The following AP3S1 variants were observed in gnomAD, a reference collection of about 807,000 sequenced individuals.
The protein encoded by AP3S1 is AP-3 complex subunit sigma-1.
AP3S1 carries 12 observed loss-of-function variants against 21.3 expected under a neutral mutation model. That is an observed-to-expected ratio of 0.56 (90% CI 0.36 to 0.91). The LOEUF (loss-of-function observed/expected upper bound fraction) is 0.91, where lower values mean the gene tolerates loss of function less well. Ranked by LOEUF, AP3S1 falls within the 40% of genes least tolerant of loss-of-function variation. The pLI, the probability that AP3S1 is intolerant of heterozygous loss-of-function variation, is 0.01. For synonymous variants in AP3S1, 48 were observed against 78.4 expected (o/e 0.61, Z 2.05); for missense variants, 116 against 225.0 (o/e 0.52, Z 3.10).
chr5:115,889,997 A>G (rs563713828), intron 3 of AP3S1, among the ~76,000 whole-genome samples: 1 of 152,130 alleles, frequency 6.6e-6, no homozygotes, highest in South Asian at 2.1e-4. Flanking sequence ...GATGGATAAC[A>G]TAAGGTGGTG....
chr5:115,849,131 C>T (rs780281262), intron 1 of AP3S1, among the ~76,000 whole-genome samples: 1 of 152,132 alleles, frequency 6.6e-6, no homozygotes, highest in Non-Finnish European at 1.5e-5. Flanking sequence ...ATTCTAAGCA[C>T]TAGTAATACA....
At chr5:115,873,277 A>G (rs1013077010) in intron 3 of AP3S1, among the ~76,000 whole-genome samples, 1 of 152,162 alleles carries the variant, frequency 6.6e-6, no homozygotes, top group Non-Finnish European at 1.5e-5. Context: ...AAATTCTGTC[A>G]TGTACTCGTG....
intron 3 of AP3S1, among the ~76,000 whole-genome samples, chr5:115,888,436 A>G (rs564813761): frequency 6.6e-6 from 1 of 152,236 alleles, no homozygotes; most frequent in East Asian, 1.9e-4. Flanking sequence ...TTAGGGCTCT[A>G]GATTTCTGAT....
At chr5:115,907,825 A>C (rs2112586997) in intron 5 of AP3S1, among the ~76,000 whole-genome samples, 1 of 152,300 alleles carries the variant, frequency 6.6e-6, no homozygotes, top group South Asian at 2.1e-4. Flanking sequence ...CTTTTTTAAA[A>C]GTTCCATGTA....
At chr5:115,878,075 A>G (rs996847733) in intron 3 of AP3S1, among the ~76,000 whole-genome samples, 1 of 152,096 alleles carries the variant, frequency 6.6e-6, no homozygotes, top group African/African-American at 2.4e-5. Flanking sequence ...AATTTGTTTA[A>G]GTTCCTTGTA....
chr5:115,907,512 C>T (rs1207048243), intron 5 of AP3S1, among the ~76,000 whole-genome samples: 1 of 152,050 alleles, frequency 6.6e-6, no homozygotes, highest in Non-Finnish European at 1.5e-5. Context: ...GATCAGAAAT[C>T]TTATAAAACT....
chr5:115,872,840 T>G (rs1338639391), intron 3 of AP3S1, among the ~76,000 whole-genome samples: 1 of 152,194 alleles, frequency 6.6e-6, no homozygotes, highest in East Asian at 1.9e-4. Context: ...ATTTTATCAT[T>G]ATGTCAAGAG....
rs1748682966 is a variant in AP3S1, at chr5:115,876,023, C to CAG, written c.273+5896_273+5897dup. On this transcript the variant is annotated intron_variant, in intron 3 of 5. Transcript: ENST00000316788. ...TTTACATGTTTCATTGATGTCTTAG[C>CAG]AGTTCTTTTAGGAGGCATCATGGCG... Among the ~76,000 whole-genome samples, 3 of 152,204 alleles carry CAG rather than the reference C, an allele frequency of 2.0e-5. No homozygotes were observed. The South Asian group carries it at 6.2e-4, about 32-fold the overall frequency.
intron 2 of AP3S1, among the ~76,000 whole-genome samples, chr5:115,867,805 G>T (rs1405477644): frequency 6.6e-6 from 1 of 152,060 alleles, no homozygotes; most frequent in Non-Finnish European, 1.5e-5. Context: ...TATCTCCTAG[G>T]AAACTTACCA....
intron 1 of AP3S1, among the ~76,000 whole-genome samples, chr5:115,855,370 C>T (rs570228540): frequency 1.7e-4 from 26 of 151,926 alleles, no homozygotes; most frequent in Middle Eastern, 3.4e-3. Flanking sequence ...ACCAGGGCCT[C>T]GCTCAGCCAC....
chr5:115,856,231 G>A (rs1169031052), intron 1 of AP3S1, among the ~76,000 whole-genome samples: 2 of 152,086 alleles, frequency 1.3e-5, no homozygotes, highest in Non-Finnish European at 2.9e-5. Context: ...ATAGTTTTAT[G>A]TCAGCAGATA....
At chr5:115,881,069 C>A (rs1406691669) in intron 3 of AP3S1, among the ~76,000 whole-genome samples, 1 of 151,814 alleles carries the variant, frequency 6.6e-6, no homozygotes, top group African/African-American at 2.4e-5. Context: ...TTCCTCCATA[C>A]CATTATTTTG....
At chr5:115,870,258 T>C in intron 3 of AP3S1, 130 bp downstream of exon 3, 1 of 580,228 alleles carries the variant, frequency 1.7e-6, no homozygotes, top group Non-Finnish European at 2.9e-6. Flanking sequence ...GATATTGTGT[T>C]GGTAAAAGAG....
At chr5:115,908,028 T>G (rs955457108) in intron 5 of AP3S1, among the ~76,000 whole-genome samples, 2 of 152,176 alleles carry the variant, frequency 1.3e-5, no homozygotes, top group African/African-American at 4.8e-5. Context: ...TGTGGTGATA[T>G]CACAAAGCAT....
At chr5:115,845,689 C>G (rs891025602) in intron 1 of AP3S1, among the ~76,000 whole-genome samples, 1 of 151,686 alleles carries the variant, frequency 6.6e-6, no homozygotes, top group African/African-American at 2.4e-5. Context: ...CAAAAATTAG[C>G]CAGGCATGGT....
At chr5:115,843,560 T>C (rs1048236293) in intron 1 of AP3S1, among the ~76,000 whole-genome samples, 5 of 152,258 alleles carry the variant, frequency 3.3e-5, no homozygotes, top group African/African-American at 1.2e-4. Context: ...CCATTAACTT[T>C]ACCTGTTTGT....
chr5:115,857,323 C>T (rs1233670260), intron 1 of AP3S1, among the ~76,000 whole-genome samples: 1 of 152,086 alleles, frequency 6.6e-6, no homozygotes, highest in African/African-American at 2.4e-5. Flanking sequence ...AGTATGTACA[C>T]GTATGTATAA....
chr5:115,863,376 A>G (rs554512689), intron 1 of AP3S1, among the ~76,000 whole-genome samples: 1 of 151,824 alleles, frequency 6.6e-6, no homozygotes, highest in South Asian at 2.1e-4. Flanking sequence ...AGCCTGGGCA[A>G]CAGAGCAAAA....
intron 5 of AP3S1, among the ~76,000 whole-genome samples, chr5:115,911,631 AAAC>A (rs1752118933): frequency 6.6e-6 from 1 of 152,084 alleles, no homozygotes; most frequent in South Asian, 2.1e-4. Flanking sequence ...AAAAGATGGT[AAAC>A]CTCTTTGAAT....
Sources: allele counts gnomAD v4.1 joint callset (sites outside exome capture counted in the v4.1 genomes callset), GRCh38; gene constraint gnomAD v4.1.1; transcripts MANE v1.5; gene names NCBI Gene and HGNC (gene_info 2026-07-23, HGNC 2026-07-21).